Variants in EPB41 observed in about 807,000 individuals in gnomAD.
The protein encoded by EPB41 is erythrocyte membrane protein band 4.1.
EPB41 carries 65 observed loss-of-function variants against 108.0 expected under a neutral mutation model. That is an observed-to-expected ratio of 0.60 (90% CI 0.49 to 0.74). The LOEUF (loss-of-function observed/expected upper bound fraction) is 0.74, where lower values mean the gene tolerates loss of function less well. Among genes scored for constraint, EPB41 ranks in the 30% least tolerant of loss-of-function variants. The pLI, the probability that EPB41 is intolerant of heterozygous loss-of-function variation, is 0.00. For missense variants in EPB41, 875 were observed against 1,037.0 expected (o/e 0.84, Z 2.15); for synonymous variants, 336 against 358.9 (o/e 0.94, Z 0.72).
chr1:29,057,324 C>T (rs1439255768), intron 12 of EPB41, among the ~76,000 whole-genome samples: 11 of 129,892 alleles, frequency 8.5e-5, no homozygotes, highest in African/African-American at 2.9e-4. Context: ...TGCAGTGAGC[C>T]GAGATCGCAC....
intron 7 of EPB41, among the ~76,000 whole-genome samples, chr1:29,020,929 C>T (rs751492153): frequency 2.0e-5 from 3 of 152,152 alleles, no homozygotes; most frequent in African/African-American, 4.8e-5. Flanking sequence ...AGGCATGAAC[C>T]TCTGCGCCCG....
chr1:28,934,666 T>TTGTGTGTGTG (rs1204147204), intron 1 of EPB41, among the ~76,000 whole-genome samples: 6,844 of 136,190 alleles, frequency 0.05, 375 homozygotes, highest in African/African-American at 0.13. Flanking sequence ...TCTTTTGACA[T>TTGTGTGTGTG]TGTGTGTGTG....
chr1:29,000,588 A>G (rs145626359), intron 4 of EPB41, among the ~76,000 whole-genome samples: 2 of 152,368 alleles, frequency 1.3e-5, no homozygotes, highest in Non-Finnish European at 2.9e-5. Flanking sequence ...CCTCTGAATC[A>G]TAATCTGGCT....
intron 20 of EPB41, among the ~76,000 whole-genome samples, chr1:29,116,033 A>G (rs1161148016): frequency 6.6e-6 from 1 of 152,138 alleles, no homozygotes; most frequent in East Asian, 1.9e-4. Context: ...GGAGGGACCC[A>G]AACTTGGATA....
intron 16 of EPB41, among the ~76,000 whole-genome samples, chr1:29,091,069 A>G (rs1356314444): frequency 6.6e-6 from 1 of 152,202 alleles, no homozygotes; most frequent in Non-Finnish European, 1.5e-5. Context: ...GTTGTCTTCT[A>G]CACATGCTTT....
intron 1 of EPB41, among the ~76,000 whole-genome samples, chr1:28,973,314 G>T (rs2095533501): frequency 6.6e-6 from 1 of 152,064 alleles, no homozygotes; most frequent in Non-Finnish European, 1.5e-5. Flanking sequence ...GTGTCCTTGG[G>T]GATATTGGGG....
At chr1:28,889,834 C>T in intron 1 of EPB41, 3 of 985,286 alleles carry the variant, frequency 3.0e-6, no homozygotes, top group Non-Finnish European at 3.6e-6. Context: ...ACGTACTGTG[C>T]ACCATATACA....
chr1:28,921,961 T>TATATATATATATATATATATATATAC lies in EPB41; in HGVS notation c.-8+7194_-8+7195insTATATATATATATATATATATATACA, dbSNP rs770764638. Among the ~76,000 whole-genome samples, 254 of 109,446 alleles carry TATATATATATATATATATATATATAC rather than the reference T, an allele frequency of 2.3e-3. 1 individual carries two copies. The highest frequency in any genetic ancestry group is 0.01 in the East Asian group (13 of 1,262). The allele number at this position is 109,446 out of a possible 152,430, so 71.8% of individuals were successfully genotyped here. On this transcript the variant is annotated intron_variant, in intron 1 of 20. Transcript: ENST00000343067. ...TTTTATATATATATATATATATATATACACTTTTTTTTTGTTTTTTTTTTT... is the reference window on the plus strand; with the variant it reads ...TTTTATATATATATATATATATATATATATATATATATATATATATATATACACACTTTTTTTTTGTTTTTTTTTTT...
chr1:29,066,764 C>T (rs1648138592), intron 16 of EPB41, among the ~76,000 whole-genome samples: 1 of 152,036 alleles, frequency 6.6e-6, no homozygotes, highest in South Asian at 2.1e-4. Flanking sequence ...ACCTCCACCT[C>T]CTGGCTTCAA....
In EPB41 at chr1:28,987,463, C is replaced by T; in HGVS notation, c.26C>T (p.Thr9Ile). 1 of 1,614,068 alleles carries T rather than the reference C, an allele frequency of 6.2e-7. No individual in the cohort carries two copies. The highest frequency in any genetic ancestry group is 1.1e-5 in the South Asian group (1 of 91,070). MTTEKSLV[T>I]EAENSQHQQK... is the part of the protein sequence containing the mutation. ...ATGACAACAGAGAAGAGTTTAGTGA[C>T]TGAGGCCGAAAATTCACAGCACCAA... The change falls in exon 2 of 21, where the codon ACT (threonine) becomes ATT (isoleucine). Residue 9 changes from threonine to isoleucine, a missense_variant. By Grantham distance (89) the Thr-to-Ile change is moderately conservative. This residue lies in a region of EPB41 where 353 missense variants were observed against 393.2 expected (regional missense o/e 0.90). Coordinates refer to ENST00000343067, the MANE Select transcript of EPB41 (RefSeq NM_001376013.1).
chr1:28,890,047 T>C (rs996761504), intron 1 of EPB41, among the ~76,000 whole-genome samples: 1 of 151,782 alleles, frequency 6.6e-6, no homozygotes. Context: ...TATTTTATTT[T>C]GTTTTTTTGA....
chr1:29,063,921 C>T (rs1050353915), intron 15 of EPB41, among the ~76,000 whole-genome samples: 2 of 151,972 alleles, frequency 1.3e-5, no homozygotes, highest in East Asian at 1.9e-4. Flanking sequence ...TGTTATATAC[C>T]TCCTTTTACA....
rs765720886 is a variant in EPB41, at chr1:28,987,625, A to C, written c.188A>C (p.His63Pro). 1.9e-5 allele frequency: 31 copies of C among 1,614,136 alleles called. No individual in the cohort carries two copies. The highest frequency in any genetic ancestry group is 2.5e-5 in the Non-Finnish European group (29 of 1,180,052). ...LKASNGDTPT[H>P]EDLTKNKERT... The stretch of plus-strand genomic sequence containing the variant: ...GCTTCTAATGGAGACACTCCTACAC[A>C]TGAAGACTTGACCAAGAACAAGGAG... The change falls in exon 2 of 21, where the codon CAT (histidine) becomes CCT (proline). Residue 63 changes from histidine to proline, a missense_variant. His to Pro is a moderately conservative substitution (Grantham distance 77). Around this residue, in one of 3 missense-constraint regions of EPB41, gnomAD observed 353 missense variants for 393.2 expected, o/e 0.90. Coordinates refer to ENST00000343067, the MANE Select transcript of EPB41 (RefSeq NM_001376013.1).
chr1:29,026,359 T>C (rs1043713387), intron 7 of EPB41, among the ~76,000 whole-genome samples: 2 of 152,192 alleles, frequency 1.3e-5, no homozygotes, highest in African/African-American at 4.8e-5. Flanking sequence ...TGTGAACTTG[T>C]GGTTTCCAAT....
chr1:29,026,899 C>T (rs1013666258), intron 7 of EPB41, among the ~76,000 whole-genome samples: 7 of 151,928 alleles, frequency 4.6e-5, no homozygotes, highest in African/African-American at 1.7e-4. Context: ...TGAGATCAGC[C>T]TGGCCAATAT....
intron 16 of EPB41, among the ~76,000 whole-genome samples, chr1:29,080,142 G>A (rs985833188): frequency 7.7e-5 from 8 of 104,288 alleles, no homozygotes; most frequent in African/African-American, 2.8e-4. Flanking sequence ...ATTTTGAGAC[G>A]GACCTTCGTT....
chr1:28,955,345 T>A (rs2094901880), intron 1 of EPB41, among the ~76,000 whole-genome samples: 1 of 146,368 alleles, frequency 6.8e-6, no homozygotes, highest in Non-Finnish European at 1.5e-5. Context: ...TGTTTTTCTT[T>A]ATTCTTTTTT....
intron 2 of EPB41, among the ~76,000 whole-genome samples, chr1:28,988,743 G>A (rs1168800516): frequency 6.6e-6 from 1 of 152,012 alleles, no homozygotes; most frequent in African/African-American, 2.4e-5. Context: ...TGTATTAAAG[G>A]GTCTTGCTAT....
At chr1:29,003,692 A>G (rs1202946691) in intron 4 of EPB41, among the ~76,000 whole-genome samples, 2 of 152,174 alleles carry the variant, frequency 1.3e-5, no homozygotes, top group East Asian at 1.9e-4. Flanking sequence ...GTTTTCCCTC[A>G]TATGGAGTGG....
Sources: allele counts gnomAD v4.1 joint callset (sites outside exome capture counted in the v4.1 genomes callset), GRCh38; gene constraint gnomAD v4.1.1; regional missense constraint gnomAD v4.1.1; transcripts MANE v1.5; gene names NCBI Gene and HGNC (gene_info 2026-07-23, HGNC 2026-07-21).